The following BTBD16 variants were observed in gnomAD, a reference collection of about 807,000 sequenced individuals.
The protein encoded by BTBD16 is BTB domain containing 16.
Under a neutral mutation model 67.4 loss-of-function variants are expected in BTBD16, and 66 were observed. The ratio of observed to expected loss-of-function variants is 0.98; its 90% CI spans 0.80 to 1.20. BTBD16 has a LOEUF of 1.20. Among genes scored for constraint, BTBD16 ranks in the 50% most tolerant of loss-of-function variants. BTBD16 has a pLI of 0.00. For missense variants in BTBD16, 634 were observed against 616.0 expected (o/e 1.03, Z -0.31); for synonymous variants, 242 against 236.4 (o/e 1.02, Z -0.22).
chr10:122,288,000 C>T (rs2096366996), intron 5 of BTBD16, among the ~76,000 whole-genome samples: 1 of 152,166 alleles, frequency 6.6e-6, no homozygotes, highest in African/African-American at 2.4e-5. Context: ...CTTTCACTTA[C>T]TCTGACATAA....
At chr10:122,316,241 T>C (rs11200549) in intron 10 of BTBD16, among the ~76,000 whole-genome samples, 6,013 of 152,254 alleles carry the variant, frequency 0.039, 362 homozygotes, top group East Asian at 0.23. Context: ...CATTCCAGCC[T>C]GGGTGACTGA....
Position 122,286,252 on chromosome 10 carries a change from C to T in BTBD16, c.385+4C>T. ...GAGCTGGAGGAGCTTCTGCGAGGTA[C>T]TTCCTCCCTGGCACCCAGTGCTGGA... On this transcript the variant is annotated splice_donor_region_variant and intron_variant, in intron 5 of 15. Transcript: ENST00000260723. 1.2e-6 allele frequency: 2 copies of T among 1,604,094 alleles called. No individual in the cohort carries two copies. Among genetic ancestry groups the T allele is most frequent in the Non-Finnish European group, 1.7e-6 (2 of 1,173,660 alleles).
chr10:122,323,174 AG>A (rs1428564204), intron 10 of BTBD16, among the ~76,000 whole-genome samples: 1 of 152,242 alleles, frequency 6.6e-6, no homozygotes, highest in African/African-American at 2.4e-5. Context: ...GAAGGAATAT[AG>A]TGACTTTCTG....
chr10:122,275,062 C>G lies in BTBD16; in HGVS notation c.-20C>G. 1 of 1,613,618 alleles carries G rather than the reference C, an allele frequency of 6.2e-7. No individual in the cohort carries two copies. Among genetic ancestry groups the G allele is most frequent in the Non-Finnish European group, 8.5e-7 (1 of 1,179,622 alleles). On this transcript the variant is annotated 5_prime_UTR_variant, in exon 2 of 16. Coordinates refer to ENST00000260723, the MANE Select transcript of BTBD16 (RefSeq NM_144587.5). ...TAGGTTGCTTGTCTTTTCTCTCCTG[C>G]GTAATTTCCACTTTCATTCATGATA... is the stretch of plus-strand genomic sequence containing the variant.
intron 13 of BTBD16, chr10:122,332,751 G>C (rs982708460): frequency 3.2e-5 from 28 of 879,246 alleles, no homozygotes; most frequent in Non-Finnish European, 3.8e-5. Context: ...AGCAGTCCTG[G>C]TGGTACTGGA....
intron 10 of BTBD16, among the ~76,000 whole-genome samples, chr10:122,308,930 TC>T (rs1297883590): frequency 1.3e-5 from 2 of 152,162 alleles, no homozygotes; most frequent in Non-Finnish European, 2.9e-5. Flanking sequence ...CCCTGCCTGC[TC>T]TGCCTCCTCT....
In BTBD16 at chr10:122,294,595, T is replaced by C. The variant is rs1279337381; in HGVS notation, c.591-3173T>C. 2.6e-5 allele frequency among the ~76,000 whole-genome samples: 4 copies of C among 152,366 alleles called. No individual in the cohort carries two copies. In the East Asian group the frequency reaches 5.8e-4, roughly 22 times the overall value. The stretch of plus-strand genomic sequence containing the variant: ...ACATACACATGGAGCATCTCCCTGG[T>C]TGTCACTTGGGTTCCTCCAGGCTCA... On this transcript the variant is annotated intron_variant, in intron 7 of 15. Transcript: ENST00000260723.
At chr10:122,300,741 A>G (rs1347825898) in intron 9 of BTBD16, among the ~76,000 whole-genome samples, 2 of 152,186 alleles carry the variant, frequency 1.3e-5, no homozygotes, top group African/African-American at 4.8e-5. Flanking sequence ...CTCTATTTAA[A>G]AGGATCTTGG....
intron 13 of BTBD16, among the ~76,000 whole-genome samples, chr10:122,334,364 T>C (rs2096459818): frequency 6.7e-6 from 1 of 148,912 alleles, no homozygotes; most frequent in African/African-American, 2.5e-5. Flanking sequence ...CCTGGCTAAT[T>C]TTTTGTATTT....
intron 10 of BTBD16, among the ~76,000 whole-genome samples, chr10:122,328,461 G>C (rs566073830): frequency 6.6e-6 from 1 of 152,204 alleles, no homozygotes; most frequent in South Asian, 2.1e-4. Context: ...GATCACTGGC[G>C]TGGAGCAGTT....
intron 4 of BTBD16, among the ~76,000 whole-genome samples, chr10:122,285,729 C>T (rs1449078531): frequency 6.6e-6 from 1 of 152,176 alleles, no homozygotes; most frequent in Admixed American, 6.5e-5. Flanking sequence ...GAAACACTGT[C>T]ATAGGGGAAG....
intron 5 of BTBD16, 195 bp downstream of exon 5, chr10:122,286,443 G>A: frequency 2.3e-6 from 1 of 442,530 alleles, no homozygotes; most frequent in African/African-American, 2.1e-5. Flanking sequence ...TTAGGATGCG[G>A]CTTTGAAGAG....
intron 10 of BTBD16, among the ~76,000 whole-genome samples, chr10:122,316,320 GC>G (rs1429109477): frequency 6.6e-6 from 1 of 151,974 alleles, no homozygotes; most frequent in Non-Finnish European, 1.5e-5. Context: ...CTTTGCTCCA[GC>G]CCCACCACCA....
At chr10:122,306,845 C>T (rs2142092743) in intron 9 of BTBD16, among the ~76,000 whole-genome samples, 1 of 152,258 alleles carries the variant, frequency 6.6e-6, no homozygotes, top group Middle Eastern at 3.4e-3. Flanking sequence ...CCTAACTTTG[C>T]AGGATGGTTG....
At chr10:122,290,629 A>G (rs780889343) in intron 6 of BTBD16, among the ~76,000 whole-genome samples, 3 of 152,150 alleles carry the variant, frequency 2.0e-5, no homozygotes, top group African/African-American at 7.2e-5. Flanking sequence ...TGAACCATCA[A>G]ATTATTCTGG....
At chr10:122,314,806 A>G (rs1328929666) in intron 10 of BTBD16, among the ~76,000 whole-genome samples, 1 of 152,118 alleles carries the variant, frequency 6.6e-6, no homozygotes, top group East Asian at 1.9e-4. Context: ...ATAATACTAG[A>G]TTTATCTCTT....
At chr10:122,275,946 T>TA (rs1467203885) in intron 2 of BTBD16, among the ~76,000 whole-genome samples, 3 of 152,042 alleles carry the variant, frequency 2.0e-5, no homozygotes, top group East Asian at 3.9e-4. Flanking sequence ...CCAAAAGGTA[T>TA]AAAAAACCCA....
At chr10:122,289,053 C>T (rs559812009) in intron 5 of BTBD16, among the ~76,000 whole-genome samples, 17 of 152,290 alleles carry the variant, frequency 1.1e-4, no homozygotes, top group Non-Finnish European at 2.4e-4. Context: ...TACCTTTTCC[C>T]TTCCTCCTGG....
chr10:122,326,231 T>C (rs1262963636), intron 10 of BTBD16, among the ~76,000 whole-genome samples: 2 of 152,206 alleles, frequency 1.3e-5, no homozygotes, highest in Non-Finnish European at 2.9e-5. Flanking sequence ...ATGTGAACCA[T>C]TCTTACGTGT....
Sources: gnomAD v4.1 joint callset for allele counts (sites outside exome capture counted in the v4.1 genomes callset) on GRCh38, gnomAD v4.1.1 for gene constraint, MANE v1.5 for transcripts, NCBI Gene and HGNC (gene_info 2026-07-23, HGNC 2026-07-21) for gene names.